The following SGCZ variants were observed in gnomAD, a reference collection of about 807,000 sequenced individuals.
SGCZ encodes the protein sarcoglycan zeta.
SGCZ carries 40 observed loss-of-function variants against 41.3 expected under a neutral mutation model. That is an observed-to-expected ratio of 0.97 (90% CI 0.75 to 1.26). SGCZ has a LOEUF of 1.26. Among genes scored for constraint, SGCZ ranks in the 50% most tolerant of loss-of-function variants. The pLI, the probability that SGCZ is intolerant of heterozygous loss-of-function variation, is 0.00. For synonymous variants in SGCZ, 206 were observed against 137.5 expected (o/e 1.50, Z -3.49); for missense variants, 552 against 369.8 (o/e 1.49, Z -4.04).
intron 1 of SGCZ, among the ~76,000 whole-genome samples, chr8:15,125,549 C>T (rs192371490): frequency 3.3e-5 from 5 of 152,260 alleles, no homozygotes; most frequent in Admixed American, 1.3e-4. Flanking sequence ...TACTAGCTTT[C>T]GATTTGCAGG....
rs539217631 is a variant in SGCZ, at chr8:14,305,292, A to T, written c.336+18811T>A. Among the ~76,000 whole-genome samples, 3 of 152,320 alleles carry T rather than the reference A, an allele frequency of 2.0e-5. No individual in the cohort carries two copies. In the East Asian group the frequency reaches 5.8e-4, roughly 29 times the overall value. On this transcript the variant is annotated intron_variant, in intron 3 of 7. Coordinates refer to ENST00000382080, the MANE Select transcript of SGCZ (RefSeq NM_139167.4). ...TGACAGATGCCTTACAATTAACATT[A>T]ATGCCACAGAAATAACATTTTTTGA...
In SGCZ at chr8:14,440,227, C is replaced by A. The variant is rs1031261815; in HGVS notation, c.234+114505G>T. 2.0e-5 allele frequency among the ~76,000 whole-genome samples: 3 copies of A among 151,856 alleles called. No homozygotes were observed. The South Asian group carries it at 6.2e-4, about 31-fold the overall frequency. Reference sequence around the variant, plus strand: ...TATGTCATAGATATATGATATTTTTCTATCAAAAGATATAAAAGAGCTCTA... The same window carrying A: ...TATGTCATAGATATATGATATTTTTATATCAAAAGATATAAAAGAGCTCTA... On this transcript the variant is annotated intron_variant, in intron 2 of 7. Transcript: ENST00000382080.
chr8:14,656,434 C>G (rs889694202), intron 1 of SGCZ, among the ~76,000 whole-genome samples: 1 of 140,964 alleles, frequency 7.1e-6, no homozygotes, highest in East Asian at 2.1e-4. Flanking sequence ...CCTTCCTCCC[C>G]CCTCTATCCC....
chr8:14,142,799 G>C (rs1049950259), intron 5 of SGCZ, among the ~76,000 whole-genome samples: 1 of 151,982 alleles, frequency 6.6e-6, no homozygotes, highest in African/African-American at 2.4e-5. Flanking sequence ...GAGTTCTTGT[G>C]AGATCTGGTT....
chr8:14,196,934 C>T (rs1042557351), intron 4 of SGCZ, among the ~76,000 whole-genome samples: 7 of 151,892 alleles, frequency 4.6e-5, no homozygotes, highest in Non-Finnish European at 1.0e-4. Context: ...AAAATAAATT[C>T]ATGGATGACG....
chr8:14,901,490 T>C (rs529470022), intron 1 of SGCZ, among the ~76,000 whole-genome samples: 16 of 152,316 alleles, frequency 1.1e-4, no homozygotes, highest in African/African-American at 3.4e-4. Flanking sequence ...TAGTTGTTAC[T>C]AAAAATGTAT....
intron 1 of SGCZ, among the ~76,000 whole-genome samples, chr8:14,808,525 A>G (rs1801627850): frequency 6.6e-6 from 1 of 152,188 alleles, no homozygotes; most frequent in South Asian, 2.1e-4. Flanking sequence ...CAAAACCACA[A>G]TGAGATACCA....
At chr8:14,754,501 A>G (rs1294699951) in intron 1 of SGCZ, among the ~76,000 whole-genome samples, 1 of 152,148 alleles carries the variant, frequency 6.6e-6, no homozygotes, top group East Asian at 1.9e-4. Flanking sequence ...TGCCCATTAC[A>G]TTTAAGCTTC....
At chr8:14,465,313 A>C (rs1585551829) in intron 2 of SGCZ, among the ~76,000 whole-genome samples, 1 of 151,744 alleles carries the variant, frequency 6.6e-6, no homozygotes, top group Admixed American at 6.6e-5. Context: ...TTAGTAGTAT[A>C]TAATGTCCTT....
chr8:14,113,888 C>A (rs753633021), intron 5 of SGCZ, among the ~76,000 whole-genome samples: 6 of 152,008 alleles, frequency 3.9e-5, no homozygotes, highest in Non-Finnish European at 8.8e-5. Context: ...CCTTCTTGTT[C>A]TCAGCATATG....
At chr8:14,440,412 C>A (rs1329657057) in intron 2 of SGCZ, among the ~76,000 whole-genome samples, 1 of 152,034 alleles carries the variant, frequency 6.6e-6, no homozygotes, top group African/African-American at 2.4e-5. Flanking sequence ...AACATTATTA[C>A]ATTTTGTCAC....
At chr8:14,986,398 A>G (rs1470017421) in intron 1 of SGCZ, among the ~76,000 whole-genome samples, 1 of 152,086 alleles carries the variant, frequency 6.6e-6, no homozygotes, top group African/African-American at 2.4e-5. Flanking sequence ...AGGCAATTTG[A>G]CTGATACGCA....
intron 4 of SGCZ, among the ~76,000 whole-genome samples, chr8:14,210,531 C>A (rs560379085): frequency 2.0e-5 from 3 of 151,304 alleles, no homozygotes; most frequent in Non-Finnish European, 2.9e-5. Context: ...GGTGCGATCT[C>A]GGCTCACCAC....
At chr8:14,902,373 T>G (rs1211441909) in intron 1 of SGCZ, among the ~76,000 whole-genome samples, 2 of 152,140 alleles carry the variant, frequency 1.3e-5, no homozygotes, top group Non-Finnish European at 2.9e-5. Flanking sequence ...CCCCTGCGAC[T>G]TGGTCAGAGT....
intron 1 of SGCZ, among the ~76,000 whole-genome samples, chr8:15,006,475 T>C (rs1185774590): frequency 6.6e-6 from 1 of 152,206 alleles, no homozygotes; most frequent in Non-Finnish European, 1.5e-5. Context: ...CGAAGCCTAA[T>C]TTTGTTTAGA....
chr8:14,754,973 TC>T (rs1169130973), intron 1 of SGCZ, among the ~76,000 whole-genome samples: 1 of 152,136 alleles, frequency 6.6e-6, no homozygotes, highest in African/African-American at 2.4e-5. Flanking sequence ...CAAGCGATCC[TC>T]CCACCTTGGC....
At chr8:14,631,062 G>C (rs1160067932) in intron 1 of SGCZ, among the ~76,000 whole-genome samples, 2 of 151,876 alleles carry the variant, frequency 1.3e-5, no homozygotes, top group South Asian at 2.1e-4. Context: ...TAATAAAAAA[G>C]AAAGGTGATT....
At chr8:14,154,396 AAAAACCGCAGAAAAT>A (rs1459827913) in intron 5 of SGCZ, among the ~76,000 whole-genome samples, 1 of 152,062 alleles carries the variant, frequency 6.6e-6, no homozygotes, top group African/African-American at 2.4e-5. Flanking sequence ...AACAACAAAA[AAAAACCGCAGAAAAT>A]AAGTTTCTGT....
intron 1 of SGCZ, among the ~76,000 whole-genome samples, chr8:14,883,811 T>G (rs1804686279): frequency 6.7e-6 from 1 of 148,554 alleles, no homozygotes; most frequent in Non-Finnish European, 1.5e-5. Context: ...ATAGTACCCT[T>G]CTTCTATTTT....
Sources: allele counts gnomAD v4.1 joint callset (sites outside exome capture counted in the v4.1 genomes callset), GRCh38; gene constraint gnomAD v4.1.1; transcripts MANE v1.5; gene names NCBI Gene and HGNC (gene_info 2026-07-23, HGNC 2026-07-21).